Variants in MAP3K7CL observed in about 807,000 individuals in gnomAD.
MAP3K7CL encodes the protein MAP3K7 C-terminal-like protein.
A neutral mutation model predicts 18.6 loss-of-function variants in MAP3K7CL; 16 were observed. The ratio of observed to expected loss-of-function variants is 0.86; its 90% CI spans 0.58 to 1.31. The LOEUF is 1.31. Among genes scored for constraint, MAP3K7CL ranks in the 50% most tolerant of loss-of-function variants. The pLI, the probability that MAP3K7CL is intolerant of heterozygous loss-of-function variation, is 0.00. For missense variants in MAP3K7CL, 163 were observed against 174.4 expected (o/e 0.93, Z 0.37); for synonymous variants, 65 against 66.8 (o/e 0.97, Z 0.13).
At chr21:29,112,998 C>G (rs1455671491) in intron 4 of MAP3K7CL, among the ~76,000 whole-genome samples, 1 of 152,048 alleles carries the variant, frequency 6.6e-6, no homozygotes, top group Non-Finnish European at 1.5e-5. Context: ...TTAGTAGAGA[C>G]GGGTTTTGCC....
At chr21:29,127,890 G>T (rs1437751168), upstream of MAP3K7CL, 2 of 152,236 alleles carry the variant, frequency 1.3e-5, no homozygotes, top group Admixed American at 6.5e-5. Flanking sequence ...TTTCCGTTGT[G>T]TTTAATATGT....
intron 4 of MAP3K7CL, among the ~76,000 whole-genome samples, chr21:29,119,917 G>A (rs146434937): frequency 9.0e-4 from 137 of 152,102 alleles, no homozygotes; most frequent in African/African-American, 2.2e-3. Flanking sequence ...CATCCACCTC[G>A]GCCTCCCAGA....
intron 3 of MAP3K7CL, among the ~76,000 whole-genome samples, chr21:29,155,338 T>G (rs797017616): frequency 2.2e-4 from 33 of 152,260 alleles, no homozygotes; most frequent in African/African-American, 7.9e-4. Flanking sequence ...ATATATCTCC[T>G]GTGTGGGAAG....
chr21:29,100,160 G>A (rs2086201458), intron 4 of MAP3K7CL, among the ~76,000 whole-genome samples: 1 of 151,722 alleles, frequency 6.6e-6, no homozygotes, highest in Non-Finnish European at 1.5e-5. Flanking sequence ...CGAATGAATA[G>A]GAAGCTGTCA....
chr21:29,151,865 T>C (rs2087284026), intron 3 of MAP3K7CL, among the ~76,000 whole-genome samples: 1 of 152,234 alleles, frequency 6.6e-6, no homozygotes, highest in Non-Finnish European at 1.5e-5. Context: ...TAGCTTTAAT[T>C]CCACTTGACA....
rs761300479 is a variant in MAP3K7CL, at chr21:29,160,070, C to T, written c.248+14C>T. On this transcript the variant is annotated intron_variant, in intron 4 of 4. Transcript: ENST00000399928. ...TGAGCAAAGGAAGTAAGTACCTACC[C>T]CCCTCACTCTACATCTGAGCACTGC... 5.0e-6 allele frequency: 8 copies of T among 1,596,888 alleles called. No individual in the cohort carries two copies. In the South Asian group the frequency reaches 7.7e-5, roughly 15 times the overall value.
chr21:29,119,406 A>G (rs117119879), intron 4 of MAP3K7CL, among the ~76,000 whole-genome samples: 1,873 of 152,248 alleles, frequency 0.012, 20 homozygotes, highest in Non-Finnish European at 0.018. Context: ...TATGGCATCA[A>G]TCAAGCAGTC....
chr21:29,100,709 T>A (rs1395037962), intron 4 of MAP3K7CL, among the ~76,000 whole-genome samples: 3 of 133,216 alleles, frequency 2.3e-5, no homozygotes, highest in Admixed American at 1.5e-4. Flanking sequence ...ACTTTTTTTT[T>A]TTTTTTTTTT....
chr21:29,134,187 C>T (rs1022590685), intron 2 of MAP3K7CL, among the ~76,000 whole-genome samples: 1 of 152,098 alleles, frequency 6.6e-6, no homozygotes, highest in African/African-American at 2.4e-5. Context: ...CTCTCTCTCT[C>T]TCTTGCTATA....
At chr21:29,171,629 G>A (rs1368725318) in intron 4 of MAP3K7CL, among the ~76,000 whole-genome samples, 2 of 152,014 alleles carry the variant, frequency 1.3e-5, no homozygotes, top group Non-Finnish European at 2.9e-5. Flanking sequence ...TCAACATGGT[G>A]AAACCCCATC....
At chr21:29,079,823 G>A (rs766826088) in intron 1 of MAP3K7CL, among the ~76,000 whole-genome samples, 3 of 152,274 alleles carry the variant, frequency 2.0e-5, no homozygotes, top group South Asian at 2.1e-4. Context: ...CTCCAGGTTA[G>A]GGCAAAGTCA....
intron 3 of MAP3K7CL, among the ~76,000 whole-genome samples, chr21:29,150,950 A>T (rs1001765258): frequency 2.0e-5 from 3 of 151,156 alleles, no homozygotes; most frequent in Non-Finnish European, 4.4e-5. Flanking sequence ...TTGTATTTTT[A>T]GTAGAGACGG....
intron 1 of MAP3K7CL, among the ~76,000 whole-genome samples, chr21:29,079,129 C>T (rs1360877638): frequency 6.6e-6 from 1 of 152,160 alleles, no homozygotes; most frequent in Non-Finnish European, 1.5e-5. Flanking sequence ...CAGGAAGACC[C>T]ACGTCTCATC....
rs879885289 is a variant in MAP3K7CL, at chr21:29,092,307, T to A, written c.228-132T>A. ...GAGAAACCTTTCCAGATTTAAACCA[T>A]TAACAACCCTCTCTAAAGAGGAGGC... On this transcript the variant is annotated intron_variant, in intron 3 of 6. Coordinates refer to the MAP3K7CL transcript ENST00000286791. 43 of 771,246 alleles carry A rather than the reference T, an allele frequency of 5.6e-5. No individual in the cohort carries two copies. The Admixed American group carries it at 1.2e-3, about 21-fold the overall frequency. 47.8% of individuals were successfully genotyped at this position (771,246 alleles called of 1,614,324 possible). A position where few individuals can be genotyped will look rare whatever the true frequency, so the allele number is the denominator to read the frequency against.
upstream of MAP3K7CL, among the ~76,000 whole-genome samples, chr21:29,127,111 C>T (rs1216433439): frequency 1.3e-5 from 2 of 152,152 alleles, no homozygotes; most frequent in African/African-American, 4.8e-5. Context: ...TACCAAGCTA[C>T]ATACGTATTG....
At chr21:29,080,501 A>G (rs573063147) in intron 1 of MAP3K7CL, 1 of 152,018 alleles carries the variant, frequency 6.6e-6, no homozygotes, top group South Asian at 2.1e-4. Context: ...GAGATGATGC[A>G]TTTTTGGCAC....
At chr21:29,097,697 C>A (rs1346860083) in intron 4 of MAP3K7CL, among the ~76,000 whole-genome samples, 6 of 151,846 alleles carry the variant, frequency 4.0e-5, no homozygotes, top group Admixed American at 3.3e-4. Flanking sequence ...AGCCAAGGAG[C>A]AACATAATGA....
At chr21:29,092,708 G>A in intron 4 of MAP3K7CL, 1 of 1,007,490 alleles carries the variant, frequency 9.9e-7, no homozygotes, top group South Asian at 1.6e-5. Flanking sequence ...GCAGGACAAT[G>A]GCTCTACGAC....
chr21:29,083,040 G>A (rs1286896956), upstream of MAP3K7CL, among the ~76,000 whole-genome samples: 1 of 151,790 alleles, frequency 6.6e-6, no homozygotes, highest in Non-Finnish European at 1.5e-5. Context: ...ACAGAGCATT[G>A]GTGTCTTACT....
Sources: gnomAD v4.1 joint callset for allele counts (sites outside exome capture counted in the v4.1 genomes callset) on GRCh38, gnomAD v4.1.1 for gene constraint, MANE v1.5 for transcripts, NCBI Gene and HGNC (gene_info 2026-07-23, HGNC 2026-07-21) for gene names.